Variants in TRAPPC9 observed in about 807,000 individuals in gnomAD.
TRAPPC9 encodes the protein trafficking protein particle complex subunit 9.
TRAPPC9 carries 83 observed loss-of-function variants against 124.0 expected under a neutral mutation model. The observed-to-expected ratio is 0.67, with a 90% CI of 0.56 to 0.80. The LOEUF (loss-of-function observed/expected upper bound fraction) is 0.80. Among genes scored for constraint, TRAPPC9 ranks in the 30% least tolerant of loss-of-function variants. The pLI is 0.00. For synonymous variants in TRAPPC9, 638 were observed against 617.5 expected (o/e 1.03, Z -0.49); for missense variants, 1,302 against 1,508.3 (o/e 0.86, Z 2.27).
At chr8:139,758,656 C>G (rs2130327821) in intron 21 of TRAPPC9, among the ~76,000 whole-genome samples, 1 of 152,310 alleles carries the variant, frequency 6.6e-6, no homozygotes, top group South Asian at 2.1e-4. Flanking sequence ...GGCAGGAGGA[C>G]CTGTGCCACG....
intron 5 of TRAPPC9, among the ~76,000 whole-genome samples, chr8:140,418,904 G>C (rs74476029): frequency 0.028 from 4,222 of 152,274 alleles, 121 homozygotes; most frequent in African/African-American, 0.072. Context: ...TTTAATGTCT[G>C]AAAATTAGTA....
intron 21 of TRAPPC9, among the ~76,000 whole-genome samples, chr8:139,796,067 GA>G (rs1563819739): frequency 1.0e-4 from 13 of 124,876 alleles, no homozygotes; most frequent in African/African-American, 3.2e-4. Context: ...AGAGGAAGAA[GA>G]GGAGGAGGAA....
chr8:139,739,569 G>A (rs368000175), intron 21 of TRAPPC9, among the ~76,000 whole-genome samples: 15 of 152,242 alleles, frequency 9.9e-5, no homozygotes, highest in African/African-American at 3.6e-4. Flanking sequence ...TCCTGTCCCA[G>A]AGCCTCTGCA....
At chr8:140,170,757 A>G (rs5009151) in intron 17 of TRAPPC9, among the ~76,000 whole-genome samples, 4,610 of 152,258 alleles carry the variant, frequency 0.03, 92 homozygotes, top group Middle Eastern at 0.065. Flanking sequence ...TCTTCTGGTC[A>G]CAACACCCTC....
At chr8:140,269,826 C>T (rs1204476716) in intron 15 of TRAPPC9, among the ~76,000 whole-genome samples, 4 of 152,204 alleles carry the variant, frequency 2.6e-5, no homozygotes, top group East Asian at 1.9e-4. Context: ...TGGTCGGGCA[C>T]GGTCGCTCGT....
chr8:139,756,903 G>A (rs879238263), intron 21 of TRAPPC9, among the ~76,000 whole-genome samples: 6 of 128,080 alleles, frequency 4.7e-5, no homozygotes, highest in African/African-American at 6.4e-5. Context: ...CCAGGGTTTG[G>A]GGATGAGGAC....
At chr8:140,103,283 C>T (rs1189369954) in intron 17 of TRAPPC9, among the ~76,000 whole-genome samples, 3 of 152,210 alleles carry the variant, frequency 2.0e-5, no homozygotes, top group Non-Finnish European at 4.4e-5. Flanking sequence ...ATATTTACCT[C>T]CCTGTGCCTC....
At position 140,078,518 on chromosome 8, in the gene TRAPPC9, G is replaced by C. The variant is rs367975364; in HGVS notation, c.2557-54439C>G. 4.4e-4 allele frequency among the ~76,000 whole-genome samples: 67 copies of C among 152,294 alleles called. 1 individual carries two copies. The East Asian group carries it at 8.9e-3, about 20-fold the overall frequency. ...GGGACAGAAGGCCAGAGGTGGGATGGGGCAGGGATGAATGGATGGAAAAGA... is the reference window on the plus strand; with the variant it reads ...GGGACAGAAGGCCAGAGGTGGGATGCGGCAGGGATGAATGGATGGAAAAGA... On this transcript the variant is annotated intron_variant, in intron 17 of 22. Transcript: ENST00000438773.
intron 9 of TRAPPC9, among the ~76,000 whole-genome samples, chr8:140,322,070 C>T (rs548602678): frequency 1.3e-5 from 2 of 152,290 alleles, no homozygotes; most frequent in East Asian, 1.9e-4. Flanking sequence ...CAAGGCAGTA[C>T]CCTGTGGAAG....
At chr8:139,925,018 G>A (rs1587234205) in intron 19 of TRAPPC9, among the ~76,000 whole-genome samples, 1 of 152,166 alleles carries the variant, frequency 6.6e-6, no homozygotes, top group East Asian at 1.9e-4. Flanking sequence ...TCTCCAGCAC[G>A]AGGGGCCACC....
intron 19 of TRAPPC9, among the ~76,000 whole-genome samples, chr8:139,971,764 C>CACACACACACAT (rs1171117807): frequency 1.2e-5 from 1 of 81,098 alleles, no homozygotes; most frequent in Non-Finnish European, 2.9e-5. Flanking sequence ...CACACACACA[C>CACACACACACAT]ATATATATAT....
chr8:139,857,422 G>A (rs1245059758), intron 21 of TRAPPC9, among the ~76,000 whole-genome samples: 1 of 152,170 alleles, frequency 6.6e-6, no homozygotes, highest in Non-Finnish European at 1.5e-5. Flanking sequence ...AACCCAAGGC[G>A]ACAGTCCCCA....
chr8:139,735,500 G>C (rs1818099627), intron 21 of TRAPPC9, among the ~76,000 whole-genome samples: 1 of 152,142 alleles, frequency 6.6e-6, no homozygotes, highest in Admixed American at 6.5e-5. Context: ...AATGTTTCTT[G>C]AACAGTGAAC....
intron 16 of TRAPPC9, among the ~76,000 whole-genome samples, chr8:140,239,426 G>T (rs2063806790): frequency 3.3e-5 from 5 of 152,228 alleles, no homozygotes; most frequent in Admixed American, 3.3e-4. Context: ...TTCTGAGGCA[G>T]TAAGAAAAGC....
chr8:140,357,789 G>C (rs975323353), intron 9 of TRAPPC9, among the ~76,000 whole-genome samples: 1 of 152,216 alleles, frequency 6.6e-6, no homozygotes, highest in Non-Finnish European at 1.5e-5. Context: ...GGGCCATGGA[G>C]CCAGCTTCCA....
Position 140,009,513 on chromosome 8 carries a change from G to A in TRAPPC9, c.2699+14424C>T, listed in dbSNP as rs761082868. Reference sequence around the variant, plus strand: ...CTACCATCTTCCCCTTCTCACACACGACGTCCCCATTTCCACAGATTCTCA... The same window carrying A: ...CTACCATCTTCCCCTTCTCACACACAACGTCCCCATTTCCACAGATTCTCA... On this transcript the variant is annotated intron_variant, in intron 18 of 22. Coordinates refer to ENST00000438773, the MANE Select transcript of TRAPPC9 (RefSeq NM_001160372.4). 3.3e-5 allele frequency among the ~76,000 whole-genome samples: 5 copies of A among 152,070 alleles called. 1 individual carries two copies. The highest frequency in any genetic ancestry group is 6.8e-3 in the Middle Eastern group (2 of 294).
chr8:139,916,443 T>C (rs1014899157), intron 19 of TRAPPC9: 4 of 152,226 alleles, frequency 2.6e-5, no homozygotes, highest in African/African-American at 9.7e-5. Flanking sequence ...GACCTAAGGT[T>C]GCAAAGTGAA....
intron 19 of TRAPPC9, among the ~76,000 whole-genome samples, chr8:139,957,055 C>T (rs959750317): frequency 3.9e-5 from 6 of 152,244 alleles, no homozygotes; most frequent in African/African-American, 9.6e-5. Flanking sequence ...ACAGAGCGGG[C>T]CCCATGCTCT....
intron 17 of TRAPPC9, among the ~76,000 whole-genome samples, chr8:140,220,882 C>T (rs1245831133): frequency 1.3e-5 from 2 of 152,222 alleles, no homozygotes; most frequent in African/African-American, 4.8e-5. Context: ...GCTCTACACG[C>T]TGTCCCTGGG....
Sources: gnomAD v4.1 joint callset for allele counts (sites outside exome capture counted in the v4.1 genomes callset) on GRCh38, gnomAD v4.1.1 for gene constraint, MANE v1.5 for transcripts, NCBI Gene and HGNC (gene_info 2026-07-23, HGNC 2026-07-21) for gene names.